TIMM44: variants seen among roughly 807,000 people sequenced by gnomAD.
The protein encoded by TIMM44 is translocase of inner mitochondrial membrane 44.
In TIMM44, 37 loss-of-function variants were observed where a neutral mutation model predicts 63.8. The observed-to-expected ratio is 0.58, with a 90% CI of 0.45 to 0.76. The LOEUF is 0.76. TIMM44 is among the 30% of genes least tolerant of loss of function. The pLI is 0.00. For missense variants in TIMM44, 573 were observed against 603.8 expected (o/e 0.95, Z 0.54); for synonymous variants, 239 against 245.1 (o/e 0.98, Z 0.23).
rs1390534184 is a variant in TIMM44 at position 7,934,502 on chromosome 19, A to T, written c.394-264T>A. On this transcript the variant is annotated intron_variant, in intron 4 of 12. Coordinates refer to ENST00000270538, the MANE Select transcript of TIMM44 (RefSeq NM_006351.4). The surrounding 1 kb of genome is among the most constrained non-coding windows in gnomAD (Gnocchi z 5.3). ...TGAGCACACCGGCACCCCCAGAGCC[A>T]TGAGCACACCGCCACGGCTTCCGGG... Among the ~76,000 whole-genome samples, 3 of 151,986 alleles carry T rather than the reference A, an allele frequency of 2.0e-5. No individual in the cohort carries two copies. The highest frequency in any genetic ancestry group is 7.3e-5 in the African/African-American group (3 of 41,378).
Position 7,933,604 on chromosome 19 carries a change from G to C in TIMM44, c.684-34C>G. On this transcript the variant is annotated intron_variant, in intron 6 of 12. Coordinates refer to ENST00000270538, the MANE Select transcript of TIMM44 (RefSeq NM_006351.4). The surrounding 1 kb of genome is among the most constrained non-coding windows in gnomAD (Gnocchi z 4.3). ...GAGGGTGGGCCCTGGGGTGAGCGGC[G>C]GCGCCAGGGCCACCCTGTGCCCTCC... The C allele has an allele frequency of 1.3e-6, 2 of 1,576,742 alleles. No homozygotes were observed. Among genetic ancestry groups the C allele is most frequent in the Non-Finnish European group, 1.7e-6 (2 of 1,146,342 alleles).
In TIMM44 at chr19:7,927,786, G is replaced by C. The variant is rs772027265; in HGVS notation, c.1129-19C>G. On this transcript the variant is annotated intron_variant, in intron 11 of 12. Coordinates refer to ENST00000270538, the MANE Select transcript of TIMM44 (RefSeq NM_006351.4). ...TGGCCAGCTGCAGAGGGGCCGAGAG[G>C]GGGGATGTGCCTCAGAGGACAGCCC... The C allele has an allele frequency of 8.1e-6, 13 of 1,605,844 alleles. No homozygotes were observed. In the Admixed American group the frequency reaches 2.2e-4, roughly 27 times the overall value.
chr19:7,927,164 G>T lies in TIMM44; in HGVS notation c.*23C>A. ...TCTGTGCCTGATGACCCAGGCCGGG[G>T]CTACCTGGCTCCGGCACCACACTCA... On this transcript the variant is annotated 3_prime_UTR_variant, in exon 13 of 13. Transcript: ENST00000270538. The T allele has an allele frequency of 5.6e-6, 9 of 1,598,718 alleles. No homozygotes were observed. Among genetic ancestry groups the T allele is most frequent in the Non-Finnish European group, 7.6e-6 (9 of 1,177,388 alleles).
Position 7,933,468 on chromosome 19 carries a change from A to G in TIMM44, c.769+17T>C. The G allele has an allele frequency of 6.2e-7, 1 of 1,612,594 alleles. No homozygotes were observed. On this transcript the variant is annotated intron_variant, in intron 7 of 12. Coordinates refer to ENST00000270538, the MANE Select transcript of TIMM44 (RefSeq NM_006351.4). The surrounding 1 kb of genome is among the most constrained non-coding windows in gnomAD (Gnocchi z 4.3). ...CCCGGGACACAGTCACCTGCCCTCC[A>G]AGACACCTTCACTCACGGTTAAACA...
intron 10 of TIMM44, among the ~76,000 whole-genome samples, chr19:7,930,491 G>C (rs556393497): frequency 6.6e-6 from 1 of 152,026 alleles, no homozygotes; most frequent in African/African-American, 2.4e-5. Flanking sequence ...TATTTTAGTA[G>C]AGATGGGGTT....
chr19:7,933,852 G>A lies in TIMM44; in HGVS notation c.683+12C>T, dbSNP rs1009482577. ...AAAATGGGGGCAGCGAGGGCCACGGGCTGGTACCTACTCGTTTGGCTCAAA... is the reference window on the plus strand; with the variant it reads ...AAAATGGGGGCAGCGAGGGCCACGGACTGGTACCTACTCGTTTGGCTCAAA... On this transcript the variant is annotated intron_variant, in intron 6 of 12. Transcript: ENST00000270538. The surrounding 1 kb of genome is among the most constrained non-coding windows in gnomAD (Gnocchi z 4.3). The A allele has an allele frequency of 1.2e-6, 2 of 1,613,970 alleles. No homozygotes were observed. The highest frequency in any genetic ancestry group is 3.3e-5 in the Admixed American group (2 of 60,024).
In TIMM44 at chr19:7,934,390, C is replaced by T. The variant is rs1984081433; in HGVS notation, c.394-152G>A. On this transcript the variant is annotated intron_variant, in intron 4 of 12. Transcript: ENST00000270538. This position sits in a 1 kb window ranked among gnomAD's most constrained non-coding sequence, Gnocchi z 5.3. ...TGTGCTCCTGTGGTACGCGGCACCC[C>T]CAGAGCCATGAGCACAACGGCACCC... The T allele has an allele frequency of 1.9e-6, 2 of 1,039,168 alleles. No individual in the cohort carries two copies. Among genetic ancestry groups the T allele is most frequent in the Non-Finnish European group, 2.9e-6 (2 of 700,006 alleles). 64.4% of individuals were successfully genotyped at this position (1,039,168 alleles called of 1,614,324 possible).
intron 3 of TIMM44, among the ~76,000 whole-genome samples, chr19:7,937,418 C>T (rs1225890721): frequency 2.6e-5 from 4 of 152,236 alleles, no homozygotes; most frequent in Admixed American, 6.5e-5. Context: ...AAGATGCGGG[C>T]GCTGGCCTGG....
At position 7,927,658 on chromosome 19, in the gene TIMM44, G is replaced by T; in HGVS notation, c.1238C>A (p.Pro413Gln). Residue 413 changes from proline (P) to glutamine (Q), a missense_variant and splice_region_variant, in exon 12 of 13, where the codon CCG becomes CAG. By Grantham distance (76) the Pro-to-Gln change is moderately conservative (BLOSUM62 -1). Coordinates refer to ENST00000270538, the MANE Select transcript of TIMM44 (RefSeq NM_006351.4). ...GCCCCATCCCACTCCCTCACTCACCGGGTCACCCTCCACCACCTCGCCTTT... is the reference window on the plus strand; with the variant it reads ...GCCCCATCCCACTCCCTCACTCACCTGGTCACCCTCCACCACCTCGCCTTT... ...NPKGEVVEGD[P>Q]DKVLRMLYVW... 1 of 1,613,094 alleles carries T rather than the reference G, an allele frequency of 6.2e-7. No individual in the cohort carries two copies. Among genetic ancestry groups the T allele is most frequent in the Non-Finnish European group, 8.5e-7 (1 of 1,179,852 alleles).
At position 7,927,288 on chromosome 19, in the gene TIMM44, G is replaced by C. The variant is rs777980645; in HGVS notation, c.1258C>G (p.Leu420Val). 5 of 1,611,174 alleles carry C rather than the reference G, an allele frequency of 3.1e-6. No individual in the cohort carries two copies. The African/African-American group carries it at 5.3e-5, about 17-fold the overall frequency. Reference protein sequence around the residue: ...EGDPDKVLRMLYVWALCRDQD... With the variant: ...EGDPDKVLRMVYVWALCRDQD... ...TCTCGGCAGAGCGCCCACACGTACA[G>C]CATCCGCAGCACCTTGTCCTGCAGG... The change falls in exon 13 of 13, where the codon CTG becomes GTG. Residue 420 changes from leucine (L) to valine (V), a missense_variant. Coordinates refer to ENST00000270538, the MANE Select transcript of TIMM44 (RefSeq NM_006351.4).
At chr19:7,928,442 A>T in intron 10 of TIMM44, 1 of 486,510 alleles carries the variant, frequency 2.1e-6, no homozygotes, top group East Asian at 3.5e-5. Flanking sequence ...CAAAATCCCA[A>T]ATCTACTCCC....
In TIMM44 at chr19:7,931,161, G is replaced by A. The variant is rs1983971744; in HGVS notation, c.1015C>T (p.Leu339Phe). ...ACAGCTTCATAGCACCAGTCTTTGA[G>A]AATGTCAAGCTCTCCAGAAATCATG... ...EAMISGELDI[L>F]KDWCYEATYS... Residue 339 changes from leucine (L) to phenylalanine (F), a missense_variant, in exon 10 of 13, where the codon CTC becomes TTC. Coordinates refer to ENST00000270538, the MANE Select transcript of TIMM44 (RefSeq NM_006351.4). The A allele has an allele frequency of 6.2e-7, 1 of 1,613,930 alleles. No homozygotes were observed. Among genetic ancestry groups the A allele is most frequent in the Non-Finnish European group, 8.5e-7 (1 of 1,179,950 alleles).
intron 3 of TIMM44, 56 bp from the exon 4 acceptor site, chr19:7,935,201 C>T (rs761848491): frequency 7.6e-6 from 11 of 1,444,580 alleles, no homozygotes; most frequent in East Asian, 4.8e-5. Context: ...ACAATGTCTC[C>T]GTTGCCGAGG....
At chr19:7,931,114 AAG>A in intron 10 of TIMM44, 22 bp downstream of exon 10, 2 of 1,607,546 alleles carry the variant, frequency 1.2e-6, no homozygotes, top group Non-Finnish European at 1.7e-6. Flanking sequence ...AAAAAAAAAA[AAG>A]AAAAAGAAAG....
chr19:7,931,553 G>C (rs569808955), intron 9 of TIMM44: 1 of 333,940 alleles, frequency 3.0e-6, no homozygotes, highest in Admixed American at 4.3e-5. Context: ...TCCGGCTCCC[G>C]CAGTGAGCCC....
intron 1 of TIMM44, among the ~76,000 whole-genome samples, chr19:7,941,590 T>C (rs544266067): frequency 1.0e-3 from 153 of 152,068 alleles, no homozygotes; most frequent in Middle Eastern, 3.4e-3. Context: ...GCACCTGGCC[T>C]CACTGGCCAA....
In TIMM44 at chr19:7,926,994, G is replaced by C. The variant is rs1599644614; in HGVS notation, c.*193C>G. On this transcript the variant is annotated 3_prime_UTR_variant, in exon 13 of 13. Coordinates refer to ENST00000270538, the MANE Select transcript of TIMM44 (RefSeq NM_006351.4). ...GGGCAGGGGTTGGCCCTGCGGGGGAGTGTCTCCAGCTGCCGCGCACCCGCA... is the reference window on the plus strand; with the variant it reads ...GGGCAGGGGTTGGCCCTGCGGGGGACTGTCTCCAGCTGCCGCGCACCCGCA... The C allele has an allele frequency of 7.9e-6, 6 of 759,162 alleles. No individual in the cohort carries two copies. The East Asian group carries it at 1.7e-4, about 22-fold the overall frequency. 47.0% of individuals were successfully genotyped at this position (759,162 alleles called of 1,614,324 possible).
intron 1 of TIMM44, among the ~76,000 whole-genome samples, chr19:7,942,342 T>C (rs980507884): frequency 6.6e-6 from 1 of 151,834 alleles, no homozygotes; most frequent in African/African-American, 2.4e-5. Flanking sequence ...GTAATCCCGA[T>C]ACTTTGGGAG....
At position 7,933,294 on chromosome 19, in the gene TIMM44, G is replaced by A. The variant is rs145425206; in HGVS notation, c.769+191C>T. Among the ~76,000 whole-genome samples the A allele has an allele frequency of 1.5e-3, 233 of 152,278 alleles. 1 individual carries two copies. Among genetic ancestry groups the A allele is most frequent in the African/African-American group, 5.5e-3 (228 of 41,570 alleles). On this transcript the variant is annotated intron_variant, in intron 7 of 12. Transcript: ENST00000270538. The surrounding 1 kb of genome is among the most constrained non-coding windows in gnomAD (Gnocchi z 4.3). ...GGGCCCTGACTGTGCTTATGAGGGA[G>A]CACCTGGCTTCTGGCGGCAGAATCT...
Sources: allele counts gnomAD v4.1 joint callset (sites outside exome capture counted in the v4.1 genomes callset), GRCh38; gene constraint gnomAD v4.1.1; non-coding constraint Gnocchi (gnomAD v3.1); transcripts MANE v1.5; gene names NCBI Gene and HGNC (gene_info 2026-07-23, HGNC 2026-07-21).